LYRM4: variants seen among roughly 807,000 people sequenced by gnomAD.
LYRM4 encodes LYR motif-containing protein 4.
A neutral mutation model predicts 11.7 loss-of-function variants in LYRM4; 9 were observed. That is an observed-to-expected ratio of 0.77 (90% CI 0.46 to 1.34). LYRM4 has a LOEUF of 1.34. Among genes scored for constraint, LYRM4 ranks in the 40% most tolerant of loss-of-function variants. The pLI is 0.00. For synonymous variants in LYRM4, 42 were observed against 40.4 expected, an observed-to-expected ratio of 1.04 and a Z score of -0.15; for missense variants, 133 against 112.5, an observed-to-expected ratio of 1.18 and a Z score of -0.82.
At chr6:5,218,367 G>A (rs1762397209) in intron 1 of LYRM4, 7 of 984,822 alleles carry the variant, frequency 7.1e-6, no homozygotes, top group Non-Finnish European at 8.4e-6. Flanking sequence ...GCAGCGCGGA[G>A]GGGGTGTTGG....
intron 1 of LYRM4, among the ~76,000 whole-genome samples, chr6:5,225,238 A>G (rs36018728): frequency 0.048 from 6,751 of 141,138 alleles, 524 homozygotes; most frequent in African/African-American, 0.16. Context: ...ACAGAGCAAG[A>G]CTCCGAATCA....
At chr6:5,074,627 T>G in the LYRM4 span, among the ~76,000 whole-genome samples, 1 of 151,734 alleles carries the variant, frequency 6.6e-6, no homozygotes. Context: ...TCTTTCTTTT[T>G]TTTTTTTTAA....
At chr6:5,043,958 C>T in the LYRM4 span, among the ~76,000 whole-genome samples, 1 of 152,178 alleles carries the variant, frequency 6.6e-6, no homozygotes, top group African/African-American at 2.4e-5. Context: ...AGGCTCTTGT[C>T]CACAGCCCCC....
chr6:5,108,382 GTTCT>G (rs764895156), downstream of LYRM4: 1 of 926,134 alleles, frequency 1.1e-6, no homozygotes, highest in African/African-American at 1.8e-5. Context: ...TATTTAATAT[GTTCT>G]TTCTATGTTT....
At chr6:5,211,985 T>C (rs1447247455) in intron 2 of LYRM4, among the ~76,000 whole-genome samples, 1 of 152,208 alleles carries the variant, frequency 6.6e-6, no homozygotes, top group Admixed American at 6.5e-5. Context: ...CATGAGGCTA[T>C]GAAGCTAGCT....
Position 5,148,662 on chromosome 6 carries a change from C to CCTCT in LYRM4, c.208-39175_208-39172dup, listed in dbSNP as rs61670380. Among the ~76,000 whole-genome samples the CCTCT allele has an allele frequency of 5.6e-4, 84 of 150,664 alleles. 1 individual carries two copies. Among genetic ancestry groups the CCTCT allele is most frequent in the Non-Finnish European group, 9.0e-4 (61 of 67,620 alleles). ...AGGTAATGACCTTTACACACACACA[C>CCTCT]CTCTCTCTCTCTCTCTCTCTCTGCT... is the stretch of plus-strand genomic sequence containing the variant. On this transcript the variant is annotated intron_variant, in intron 2 of 2. Coordinates refer to ENST00000330636, the MANE Select transcript of LYRM4 (RefSeq NM_020408.6).
intron 1 of LYRM4, among the ~76,000 whole-genome samples, chr6:5,247,064 G>A (rs1764228568): frequency 6.6e-6 from 1 of 152,160 alleles, no homozygotes; most frequent in Non-Finnish European, 1.5e-5. Context: ...TGATGGTCAC[G>A]GTCAGGATTC....
At chr6:5,221,596 G>C (rs1248660027) in intron 1 of LYRM4, among the ~76,000 whole-genome samples, 1 of 152,234 alleles carries the variant, frequency 6.6e-6, no homozygotes, top group Non-Finnish European at 1.5e-5. Context: ...GGGAGGCTGA[G>C]ACAGGAGAAC....
chr6:5,077,454 G>A, the LYRM4 span, among the ~76,000 whole-genome samples: 11 of 152,158 alleles, frequency 7.2e-5, no homozygotes, highest in Non-Finnish European at 1.5e-4. Flanking sequence ...GTGGGAGGTC[G>A]CCATCAGTCC....
chr6:5,089,627 A>G, the LYRM4 span: 7 of 152,336 alleles, frequency 4.6e-5, no homozygotes, highest in African/African-American at 1.7e-4. Flanking sequence ...CTATATTTTA[A>G]AGTTCAAATG....
At chr6:5,117,744 T>G (rs1330486701) in intron 2 of LYRM4, among the ~76,000 whole-genome samples, 1 of 152,104 alleles carries the variant, frequency 6.6e-6, no homozygotes, top group Admixed American at 6.6e-5. Flanking sequence ...GGTACACAAC[T>G]GTAGTCCCAG....
chr6:5,066,147 C>A, the LYRM4 span: 5 of 575,414 alleles, frequency 8.7e-6, no homozygotes, highest in Non-Finnish European at 1.7e-5. Context: ...GGTTTTCCAG[C>A]CGCCCATTTT....
At chr6:5,087,559 G>A in the LYRM4 span, 1 of 152,420 alleles carries the variant, frequency 6.6e-6, no homozygotes, top group East Asian at 1.9e-4. Context: ...GAGACTTGCC[G>A]GGCCATTAGC....
chr6:5,038,581 T>C, the LYRM4 span, among the ~76,000 whole-genome samples: 6 of 64,472 alleles, frequency 9.3e-5, 3 homozygotes, highest in Non-Finnish European at 2.3e-4. Context: ...GCCACTGCAC[T>C]CCAGCCTGGG....
intron 2 of LYRM4, among the ~76,000 whole-genome samples, chr6:5,163,033 A>ACTTTTTCATTCTC (rs1334039097): frequency 6.6e-6 from 1 of 152,092 alleles, no homozygotes; most frequent in East Asian, 1.9e-4. Context: ...TTTTCATTCT[A>ACTTTTTCATTCTC]CTTTTTCATT....
At chr6:5,087,367 C>T in the LYRM4 span, 2 of 152,242 alleles carry the variant, frequency 1.3e-5, no homozygotes, top group African/African-American at 2.4e-5. Flanking sequence ...TTCCTCTCTA[C>T]TGCGAAAGGG....
intron 2 of LYRM4, among the ~76,000 whole-genome samples, chr6:5,163,494 C>A (rs369240177): frequency 2.4e-4 from 36 of 150,538 alleles, no homozygotes; most frequent in East Asian, 1.4e-3. Flanking sequence ...CAGAAGCATT[C>A]CAACTTTTTT....
At chr6:5,163,341 A>G (rs543504682) in intron 2 of LYRM4, among the ~76,000 whole-genome samples, 1 of 152,128 alleles carries the variant, frequency 6.6e-6, no homozygotes, top group Non-Finnish European at 1.5e-5. Flanking sequence ...ACTGCACGCC[A>G]CCTTTGACAT....
chr6:5,123,603 C>T (rs867914815), intron 2 of LYRM4, among the ~76,000 whole-genome samples: 1 of 152,204 alleles, frequency 6.6e-6, no homozygotes, highest in Non-Finnish European at 1.5e-5. Context: ...TCCCACGGCC[C>T]CTACTTAATA....
Sources: gnomAD v4.1 joint callset for allele counts (sites outside exome capture counted in the v4.1 genomes callset) on GRCh38, gnomAD v4.1.1 for gene constraint, MANE v1.5 for transcripts, NCBI Gene and HGNC (gene_info 2026-07-23, HGNC 2026-07-21) for gene names.